PCSK5: variants seen among roughly 807,000 people sequenced by gnomAD.
The protein encoded by PCSK5 is prohormone convertase 5.
A neutral mutation model predicts 233.2 loss-of-function variants in PCSK5; 129 were observed. The ratio of observed to expected loss-of-function variants is 0.55; its 90% CI spans 0.48 to 0.64. The LOEUF is 0.64. Among genes scored for constraint, PCSK5 ranks in the 30% least tolerant of loss-of-function variants. PCSK5 has a pLI of 0.00. For synonymous variants in PCSK5, 825 were observed against 879.2 expected (o/e 0.94, Z 1.09); for missense variants, 2,076 against 2,430.1 (o/e 0.85, Z 3.06).
At chr9:76,281,484 G>A (rs981731707) in intron 24 of PCSK5, among the ~76,000 whole-genome samples, 2 of 150,050 alleles carry the variant, frequency 1.3e-5, no homozygotes, top group Non-Finnish European at 2.9e-5. Context: ...GCCCACGGTG[G>A]AGACCTACTG....
At chr9:75,938,550 C>T (rs537567543) in intron 2 of PCSK5, among the ~76,000 whole-genome samples, 2 of 152,164 alleles carry the variant, frequency 1.3e-5, no homozygotes, top group Admixed American at 1.3e-4. Context: ...GGAAAAATGG[C>T]ACTGACAGGC....
intron 21 of PCSK5, 23 bp downstream of exon 21, chr9:76,227,628 C>T (rs1488050720): frequency 1.1e-5 from 16 of 1,485,850 alleles, no homozygotes; most frequent in Non-Finnish European, 1.5e-5. Context: ...TCAGGATCTC[C>T]CGGTGGTGTG....
intron 20 of PCSK5, among the ~76,000 whole-genome samples, chr9:76,203,784 A>G (rs1377848550): frequency 6.6e-6 from 1 of 152,190 alleles, no homozygotes; most frequent in Admixed American, 6.5e-5. Flanking sequence ...CACCTGCTCA[A>G]TCACAATATG....
At chr9:76,266,794 G>C (rs1827346517) in intron 24 of PCSK5, among the ~76,000 whole-genome samples, 1 of 152,144 alleles carries the variant, frequency 6.6e-6, no homozygotes, top group Admixed American at 6.6e-5. Context: ...TGCTTCTCTG[G>C]AAGCAAAGGA....
intron 20 of PCSK5, chr9:76,209,602 G>A (rs538873205): frequency 1.9e-4 from 97 of 505,116 alleles, no homozygotes; most frequent in Non-Finnish European, 3.0e-4. Context: ...CATCCCTAAC[G>A]TCCAATAGTC....
chr9:76,107,738 TCCACGACAATAGCACAG>T (rs1036612033), intron 9 of PCSK5, among the ~76,000 whole-genome samples: 1 of 152,202 alleles, frequency 6.6e-6, no homozygotes, highest in Non-Finnish European at 1.5e-5. Context: ...CAGCTCCGAT[TCCACGACAATAGCACAG>T]TCACAGACTG....
intron 37 of PCSK5, among the ~76,000 whole-genome samples, chr9:76,356,841 C>G (rs1404586245): frequency 6.6e-6 from 1 of 152,016 alleles, no homozygotes; most frequent in Non-Finnish European, 1.5e-5. Context: ...AATGAATATA[C>G]CTAGAATGTA....
intron 5 of PCSK5, among the ~76,000 whole-genome samples, chr9:76,039,727 C>T (rs1829013131): frequency 6.6e-6 from 1 of 152,164 alleles, no homozygotes; most frequent in South Asian, 2.1e-4. Flanking sequence ...TTTGGTCTTC[C>T]TGTGAGCCGT....
intron 30 of PCSK5, among the ~76,000 whole-genome samples, chr9:76,319,128 A>G (rs1456549000): frequency 6.6e-6 from 1 of 152,120 alleles, no homozygotes; most frequent in Non-Finnish European, 1.5e-5. Context: ...GCTTAGTTTT[A>G]TACTTTTTAG....
chr9:75,953,857 A>G (rs1824976783), intron 2 of PCSK5, among the ~76,000 whole-genome samples: 2 of 152,142 alleles, frequency 1.3e-5, no homozygotes, highest in African/African-American at 4.8e-5. Context: ...TGTCACTATT[A>G]TAAGAGTTGA....
rs780447801 is a variant in PCSK5, at chr9:76,310,655, G to A, written c.3689-1G>A. 1.1e-5 allele frequency: 17 copies of A among 1,543,504 alleles called. No homozygotes were observed. In the South Asian group the frequency reaches 2.1e-4, roughly 19 times the overall value. ...ATCTTCCCTCTTCCCTGAATTTCTA[G>A]GTGCATATCTTCTGGCTCAGGCCTG... On this transcript the variant is annotated splice_acceptor_variant, in intron 29 of 37. Transcript: ENST00000674117. LOFTEE classifies it high-confidence loss of function.
In PCSK5 at chr9:75,937,390, G is replaced by T. The variant is rs1264273964; in HGVS notation, c.297+4907G>T. Among the ~76,000 whole-genome samples the T allele has an allele frequency of 2.0e-5, 3 of 152,040 alleles. No individual in the cohort carries two copies. The East Asian group carries it at 5.8e-4, about 29-fold the overall frequency. On this transcript the variant is annotated intron_variant, in intron 2 of 37. Coordinates refer to ENST00000674117, the MANE Select transcript of PCSK5 (RefSeq NM_001372043.1). ...GACAGGGTTTCACCATGTTAGTCAG[G>T]CTGGTCTTGAACTCCTGACCTCAGG...
chr9:76,222,654 T>A (rs1211838948), intron 20 of PCSK5, among the ~76,000 whole-genome samples: 1 of 152,220 alleles, frequency 6.6e-6, no homozygotes, highest in East Asian at 1.9e-4. Flanking sequence ...GGTTCATCCA[T>A]GTTGTAGAGT....
chr9:76,350,515 T>C (rs371961391), intron 35 of PCSK5, among the ~76,000 whole-genome samples: 1 of 152,172 alleles, frequency 6.6e-6, no homozygotes, highest in African/African-American at 2.4e-5. Context: ...AGTTAAACAA[T>C]AAGCAGAATA....
intron 24 of PCSK5, among the ~76,000 whole-genome samples, chr9:76,289,517 T>C (rs56669250): frequency 0.17 from 19,576 of 115,676 alleles, 1,644 homozygotes; most frequent in African/African-American, 0.21. Flanking sequence ...ACACGCAACA[T>C]ACACACACAC....
At chr9:76,196,441 G>A (rs1056996780) in intron 20 of PCSK5, among the ~76,000 whole-genome samples, 7 of 152,234 alleles carry the variant, frequency 4.6e-5, no homozygotes, top group African/African-American at 1.4e-4. Flanking sequence ...GGGACTGAAC[G>A]AGCTAGCTAA....
At chr9:76,127,586 G>T (rs377399389) in intron 9 of PCSK5, among the ~76,000 whole-genome samples, 1 of 152,330 alleles carries the variant, frequency 6.6e-6, no homozygotes, top group South Asian at 2.1e-4. Flanking sequence ...TAAAAATGCT[G>T]TTTTGTTCAT....
At chr9:76,184,120 T>C (rs1823993437) in intron 16 of PCSK5, among the ~76,000 whole-genome samples, 1 of 152,186 alleles carries the variant, frequency 6.6e-6, no homozygotes, top group Non-Finnish European at 1.5e-5. Context: ...AGCTGTAAAG[T>C]GCAAGACACT....
At chr9:76,175,537 G>A (rs1823574229) in intron 14 of PCSK5, 2 of 282,384 alleles carry the variant, frequency 7.1e-6, no homozygotes, top group Middle Eastern at 9.8e-4. Flanking sequence ...TTTTAAACAC[G>A]GTTTGGATAA....
Sources: allele counts gnomAD v4.1 joint callset (sites outside exome capture counted in the v4.1 genomes callset), GRCh38; gene constraint gnomAD v4.1.1; transcripts MANE v1.5; gene names NCBI Gene and HGNC (gene_info 2026-07-23, HGNC 2026-07-21).